ADAMTS17: variants seen among roughly 807,000 people sequenced by gnomAD.
The protein encoded by ADAMTS17 is A disintegrin and metalloproteinase with thrombospondin motifs 17.
A neutral mutation model predicts 141.5 loss-of-function variants in ADAMTS17; 113 were observed. The observed-to-expected ratio is 0.80, with a 90% CI of 0.69 to 0.93. The LOEUF (loss-of-function observed/expected upper bound fraction) is 0.93, where lower values mean the gene tolerates loss of function less well. Ranked by LOEUF, ADAMTS17 falls within the 40% of genes least tolerant of loss-of-function variation. The pLI, the probability that ADAMTS17 is intolerant of heterozygous loss-of-function variation, is 0.00. For missense variants in ADAMTS17, 1,659 were observed against 1,517.9 expected (o/e 1.09, Z -1.54); for synonymous variants, 768 against 630.6 (o/e 1.22, Z -3.27).
At chr15:100,041,145 A>G (rs1039910809) in intron 18 of ADAMTS17, among the ~76,000 whole-genome samples, 2 of 152,202 alleles carry the variant, frequency 1.3e-5, no homozygotes, top group Non-Finnish European at 2.9e-5. Flanking sequence ...AACCCCAAAT[A>G]AGGCCAGCCT....
chr15:100,046,619 A>G (rs187015022), intron 18 of ADAMTS17, among the ~76,000 whole-genome samples: 3 of 152,224 alleles, frequency 2.0e-5, no homozygotes, highest in Admixed American at 1.3e-4. Flanking sequence ...TTCCCCAAAT[A>G]AATACTTTTA....
intron 18 of ADAMTS17, among the ~76,000 whole-genome samples, chr15:100,009,215 T>TGAGA (rs1281364318): frequency 6.6e-6 from 1 of 152,208 alleles, no homozygotes; most frequent in African/African-American, 2.4e-5. Flanking sequence ...TGAGACCTGC[T>TGAGA]GGTTTCCCTT....
intron 12 of ADAMTS17, among the ~76,000 whole-genome samples, chr15:100,122,374 G>A (rs1019788463): frequency 1.3e-5 from 2 of 152,148 alleles, no homozygotes; most frequent in Non-Finnish European, 2.9e-5. Flanking sequence ...TAATCCACTA[G>A]GTACACAATT....
chr15:100,015,972 T>C (rs935554351), intron 18 of ADAMTS17, among the ~76,000 whole-genome samples: 1 of 152,240 alleles, frequency 6.6e-6, no homozygotes, highest in African/African-American at 2.4e-5. Flanking sequence ...TTCCAAACTT[T>C]TAGATTTCTC....
chr15:100,104,776 T>C (rs561767646), intron 14 of ADAMTS17, among the ~76,000 whole-genome samples: 3 of 152,342 alleles, frequency 2.0e-5, no homozygotes, highest in Admixed American at 2.0e-4. Flanking sequence ...GGTTTTAACA[T>C]TACAATTACT....
At chr15:100,214,410 T>C (rs936588708) in intron 7 of ADAMTS17, among the ~76,000 whole-genome samples, 1 of 152,242 alleles carries the variant, frequency 6.6e-6, no homozygotes, top group African/African-American at 2.4e-5. Flanking sequence ...ATTGGGAGTA[T>C]CTGCTTTCCA....
At chr15:100,172,325 G>A (rs1318581457) in intron 8 of ADAMTS17, among the ~76,000 whole-genome samples, 2 of 152,150 alleles carry the variant, frequency 1.3e-5, no homozygotes, top group Non-Finnish European at 2.9e-5. Context: ...TCTATTGTTG[G>A]ATGCAGTGAA....
At chr15:100,265,168 G>A (rs2142008560) in intron 4 of ADAMTS17, among the ~76,000 whole-genome samples, 1 of 152,278 alleles carries the variant, frequency 6.6e-6, no homozygotes, top group South Asian at 2.1e-4. Flanking sequence ...CACAGGCTCT[G>A]ACAAGGCTCA....
intron 18 of ADAMTS17, among the ~76,000 whole-genome samples, chr15:100,001,994 C>CAAAAAAAAAAAAAAAAAAA (rs71151931): frequency 5.1e-5 from 3 of 58,384 alleles, no homozygotes; most frequent in African/African-American, 6.1e-5. Flanking sequence ...AGGCCAAACC[C>CAAAAAAAAAAAAAAAAAAA]AAAAAAAAAA....
At chr15:100,050,874 C>G (rs1313376485) in intron 17 of ADAMTS17, among the ~76,000 whole-genome samples, 2 of 152,196 alleles carry the variant, frequency 1.3e-5, no homozygotes, top group Non-Finnish European at 2.9e-5. Context: ...TACTAAGAAA[C>G]TGCTGGCTCA....
At chr15:100,154,105 T>C (rs191459179) in intron 9 of ADAMTS17, among the ~76,000 whole-genome samples, 239 of 151,834 alleles carry the variant, frequency 1.6e-3, no homozygotes, top group African/African-American at 4.9e-3. Flanking sequence ...TGCTTGAACC[T>C]GGGAGACAGA....
intron 4 of ADAMTS17, among the ~76,000 whole-genome samples, chr15:100,269,797 G>A (rs567912459): frequency 8.5e-5 from 13 of 152,272 alleles, no homozygotes; most frequent in African/African-American, 3.1e-4. Context: ...GGCCTCCCAA[G>A]TTCCCTCCAA....
rs1370437791 is a variant in ADAMTS17, at chr15:100,163,083, T to C, written c.1182-7763A>G. 5.3e-5 allele frequency among the ~76,000 whole-genome samples: 8 copies of C among 150,446 alleles called. 1 individual carries two copies. The highest frequency in any genetic ancestry group is 1.2e-4 in the Non-Finnish European group (8 of 67,700). ...ATATATATGTGTATACATATAACTA[T>C]ATAGTTCTATATAGTTCTCTATAGG... On this transcript the variant is annotated intron_variant, in intron 8 of 21. Coordinates refer to ENST00000268070, the MANE Select transcript of ADAMTS17 (RefSeq NM_139057.4).
chr15:100,187,865 A>G (rs1244515533), intron 8 of ADAMTS17, among the ~76,000 whole-genome samples: 2 of 152,246 alleles, frequency 1.3e-5, no homozygotes, highest in Non-Finnish European at 2.9e-5. Context: ...AAAAAAGGCA[A>G]GAGAGCAAAG....
chr15:100,269,577 G>A (rs1424450540), intron 4 of ADAMTS17, among the ~76,000 whole-genome samples: 1 of 152,230 alleles, frequency 6.6e-6, no homozygotes, highest in Admixed American at 6.5e-5. Context: ...TCAGTGGATA[G>A]AGACTCACTC....
intron 3 of ADAMTS17, among the ~76,000 whole-genome samples, chr15:100,328,103 G>A (rs1481466575): frequency 1.3e-5 from 2 of 152,160 alleles, no homozygotes; most frequent in Admixed American, 6.5e-5. Context: ...AACAGGGCAC[G>A]AAACCTATGG....
At chr15:100,286,644 G>A (rs2044457423) in intron 3 of ADAMTS17, among the ~76,000 whole-genome samples, 1 of 151,438 alleles carries the variant, frequency 6.6e-6, no homozygotes, top group African/African-American at 2.4e-5. Flanking sequence ...AATGCCTAAG[G>A]GCATCAAAAA....
intron 7 of ADAMTS17, among the ~76,000 whole-genome samples, chr15:100,227,334 C>CATGCAGGAA (rs1555488201): frequency 6.6e-6 from 1 of 152,060 alleles, no homozygotes; most frequent in African/African-American, 2.4e-5. Flanking sequence ...CTTTCCCACC[C>CATGCAGGAA]ACATCAGAAA....
intron 7 of ADAMTS17, among the ~76,000 whole-genome samples, chr15:100,236,860 C>G (rs1252845898): frequency 3.9e-5 from 6 of 151,994 alleles, no homozygotes; most frequent in Non-Finnish European, 8.8e-5. Context: ...AAAGAAATAC[C>G]AACTACTTGT....
Sources: allele counts gnomAD v4.1 joint callset (sites outside exome capture counted in the v4.1 genomes callset), GRCh38; gene constraint gnomAD v4.1.1; transcripts MANE v1.5; gene names NCBI Gene and HGNC (gene_info 2026-07-23, HGNC 2026-07-21).